WDR36: variants seen among roughly 807,000 people sequenced by gnomAD.
WDR36 encodes WD repeat domain 36.
In WDR36, 63 loss-of-function variants were observed where a neutral mutation model predicts 112.7. The observed-to-expected ratio is 0.56, with a 90% CI of 0.46 to 0.69. The LOEUF (loss-of-function observed/expected upper bound fraction) is 0.69. Ranked by LOEUF, WDR36 falls within the 30% of genes least tolerant of loss-of-function variation. The pLI is 0.00. For synonymous variants in WDR36, 410 were observed against 362.2 expected (o/e 1.13, Z -1.50); for missense variants, 1,226 against 1,070.3 (o/e 1.15, Z -2.03).
In WDR36 at chr5:111,104,228, G is replaced by A; in HGVS notation, c.782G>A (p.Trp261Ter). The A allele has an allele frequency of 6.2e-7, 1 of 1,611,792 alleles. No homozygotes were observed. Among genetic ancestry groups the A allele is most frequent in the Non-Finnish European group, 8.5e-7 (1 of 1,178,478 alleles). The change falls in exon 8 of 23, where the codon TGG becomes TAG. Residue 261 changes from tryptophan to a stop codon, truncating the protein, a stop_gained. Coordinates refer to ENST00000513710, the MANE Select transcript of WDR36 (RefSeq NM_139281.3). LOFTEE classifies it high-confidence loss of function. ...AGSPCGHIGL[W>*]DLEDKKLINQ... ...AGCCCATGTGGCCATATTGGACTCT[G>A]GGATCTAGAAGACAAAAAATTAATC...
At chr5:111,112,860 G>A (rs969293422) in intron 15 of WDR36, among the ~76,000 whole-genome samples, 1 of 150,862 alleles carries the variant, frequency 6.6e-6, no homozygotes, top group Non-Finnish European at 1.5e-5. Context: ...CCAAATCAGT[G>A]GTATTTAGGA....
chr5:111,126,899 TAAAC>T lies in WDR36; in HGVS notation c.*20_*23del. ...TTTGTTGTAAAAATAAATTTGTGAC[TAAAC>T]AAAGACTTTCATATTAAATGGGTTC... On this transcript the variant is annotated 3_prime_UTR_variant, in exon 23 of 23. Transcript: ENST00000513710. The T allele has an allele frequency of 6.3e-7, 1 of 1,578,420 alleles. No individual in the cohort carries two copies. Among genetic ancestry groups the T allele is most frequent in the Non-Finnish European group, 8.6e-7 (1 of 1,159,560 alleles).
At chr5:111,104,494 C>CA (rs1753185216) in intron 8 of WDR36, 142 bp downstream of exon 8, 1 of 1,402,994 alleles carries the variant, frequency 7.1e-7, no homozygotes, top group South Asian at 1.2e-5. Flanking sequence ...AAACAAAAAG[C>CA]ACAGCAGGTG....
intron 16 of WDR36, among the ~76,000 whole-genome samples, chr5:111,114,298 A>T (rs1245646089): frequency 6.6e-6 from 1 of 152,208 alleles, no homozygotes; most frequent in Admixed American, 6.6e-5. Context: ...ATACCATTAG[A>T]GAAAGATAGG....
chr5:111,113,042 A>ATATATT (rs1580399396), intron 15 of WDR36, 32 bp from the exon 16 acceptor site: 2 of 385,808 alleles, frequency 5.2e-6, no homozygotes, highest in East Asian at 1.4e-4. Context: ...AATAATATAT[A>ATATATT]TATATATATA....
chr5:111,099,461 TTG>T (rs1371921636), intron 4 of WDR36, among the ~76,000 whole-genome samples: 1,796 of 69,090 alleles, frequency 0.026, 34 homozygotes, highest in African/African-American at 0.12. Flanking sequence ...GTTTTTTTTT[TTG>T]TTTTTTTTTT....
Position 111,120,992 on chromosome 5 carries a change from T to A in WDR36, c.2003-4T>A. ...TTTTGTTTTACCTGAAAAATTTTTT[T>A]AAGATGTAGAAGTATCAGAAGAAAC... On this transcript the variant is annotated splice_region_variant and splice_polypyrimidine_tract_variant and intron_variant, in intron 18 of 22. Coordinates refer to ENST00000513710, the MANE Select transcript of WDR36 (RefSeq NM_139281.3). 1 of 1,611,556 alleles carries A rather than the reference T, an allele frequency of 6.2e-7. No homozygotes were observed. Among genetic ancestry groups the A allele is most frequent in the Non-Finnish European group, 8.5e-7 (1 of 1,178,630 alleles).
intron 15 of WDR36, 112 bp downstream of exon 15, chr5:111,111,390 C>A (rs1166021280): frequency 3.3e-6 from 3 of 909,750 alleles, no homozygotes; most frequent in East Asian, 2.5e-5. Flanking sequence ...TTTTAATTTG[C>A]AGGCTATTTT....
At chr5:111,096,105 C>T in intron 2 of WDR36, among the ~76,000 whole-genome samples, 2 of 152,086 alleles carry the variant, frequency 1.3e-5, no homozygotes, top group East Asian at 3.9e-4. Flanking sequence ...GAATTTGCAG[C>T]ATGAAAAGTA....
At chr5:111,094,871 A>C in intron 1 of WDR36, 49 bp from the exon 2 acceptor site, 3 of 1,449,658 alleles carry the variant, frequency 2.1e-6, no homozygotes, top group Non-Finnish European at 2.9e-6. Context: ...TTAGGTTATT[A>C]TGATTATGTT....
chr5:111,104,373 A>G, intron 8 of WDR36, 21 bp downstream of exon 8: 1 of 1,611,474 alleles, frequency 6.2e-7, no homozygotes, highest in South Asian at 1.1e-5. Context: ...TATTGTTAAC[A>G]TCTTCCTGGC....
Position 111,127,005 on chromosome 5 carries a change from A to T in WDR36, c.*122A>T. 5 of 908,026 alleles carry T rather than the reference A, an allele frequency of 5.5e-6. No individual in the cohort carries two copies. Among genetic ancestry groups the T allele is most frequent in the Non-Finnish European group, 8.1e-6 (5 of 615,216 alleles). The allele number at this position is 908,026 out of a possible 1,614,324, so 56.2% of individuals were successfully genotyped here. A position where few individuals can be genotyped will look rare whatever the true frequency, so the allele number is the denominator to read the frequency against. ...GCTAGCACTACTGACTAGTCAGTAT[A>T]TCTCCACTTTAAATGCTAAATACTT... On this transcript the variant is annotated 3_prime_UTR_variant, in exon 23 of 23. Coordinates refer to ENST00000513710, the MANE Select transcript of WDR36 (RefSeq NM_139281.3).
At chr5:111,093,675 AT>A (rs1191107624) in intron 1 of WDR36, among the ~76,000 whole-genome samples, 1 of 152,060 alleles carries the variant, frequency 6.6e-6, no homozygotes, top group Non-Finnish European at 1.5e-5. Context: ...TTGAAATGTA[AT>A]TTTTCTGAGT....
chr5:111,098,641 G>A lies in WDR36; in HGVS notation c.292-81G>A, dbSNP rs1263282022. 3.2e-6 allele frequency: 3 copies of A among 938,096 alleles called. No individual in the cohort carries two copies. In the African/African-American group the frequency reaches 4.9e-5, roughly 15 times the overall value. 58.1% of individuals were successfully genotyped at this position (938,096 alleles called of 1,614,324 possible). On this transcript the variant is annotated intron_variant, in intron 3 of 22. Coordinates refer to ENST00000513710, the MANE Select transcript of WDR36 (RefSeq NM_139281.3). ...TCTTAACAGAAGCATCTCAGGATTA[G>A]CATGTTTTTGGGATAATATGAATAA...
chr5:111,111,087 T>C lies in WDR36; in HGVS notation c.1608-83T>C, dbSNP rs1753328252. ...TGGCTTAATTTCCCCCAAAGTGTACTTGATTTAACAAAATTCAAGTGGAGG... is the reference window on the plus strand; with the variant it reads ...TGGCTTAATTTCCCCCAAAGTGTACCTGATTTAACAAAATTCAAGTGGAGG... On this transcript the variant is annotated intron_variant, in intron 14 of 22. Coordinates refer to ENST00000513710, the MANE Select transcript of WDR36 (RefSeq NM_139281.3). The C allele has an allele frequency of 3.8e-6, 6 of 1,560,126 alleles. No homozygotes were observed. In the African/African-American group the frequency reaches 8.1e-5, roughly 21 times the overall value.
chr5:111,121,632 A>G (rs11241096), intron 19 of WDR36, among the ~76,000 whole-genome samples: 4,847 of 152,284 alleles, frequency 0.032, 261 homozygotes, highest in African/African-American at 0.11. Flanking sequence ...ATAAGTTAAC[A>G]TGAGCTAGGT....
rs866883339 is a variant in WDR36, at chr5:111,113,289, A to G, written c.1796+136A>G. 9.1e-6 allele frequency: 4 copies of G among 440,072 alleles called. No homozygotes were observed. In the Middle Eastern group the frequency reaches 1.4e-3, roughly 159 times the overall value. The allele number at this position is 440,072 out of a possible 1,614,324, so 27.3% of individuals were successfully genotyped here. ...ATTTGGAGATTTTTCTGACATGACT[A>G]TATTGTATCCTTGGAGTGTTTTTGA... is the stretch of plus-strand genomic sequence containing the variant. On this transcript the variant is annotated intron_variant, in intron 16 of 22. Transcript: ENST00000513710.
intron 2 of WDR36, 194 bp downstream of exon 2, chr5:111,095,141 T>G: frequency 1.7e-6 from 1 of 578,954 alleles, no homozygotes; most frequent in Non-Finnish European, 3.0e-6. Flanking sequence ...TTTATTTTCT[T>G]TAATCTGGAA....
Position 111,098,801 on chromosome 5 carries a change from C to G in WDR36, c.371C>G (p.Thr124Ser). ...PFGDHIISVD[T>S]DGILIIWHIY... The stretch of plus-strand genomic sequence containing the variant: ...GGAGACCACATTATCTCTGTTGATA[C>G]TGATGGCATTCTTATTATTTGGCAC... Residue 124 changes from threonine (T) to serine (S), a missense_variant, in exon 4 of 23, where the codon ACT (threonine) becomes AGT (serine). Coordinates refer to ENST00000513710, the MANE Select transcript of WDR36 (RefSeq NM_139281.3). 6.2e-7 allele frequency: 1 copy of G among 1,612,054 alleles called. No individual in the cohort carries two copies. The highest frequency in any genetic ancestry group is 8.5e-7 in the Non-Finnish European group (1 of 1,178,386).
Sources: gnomAD v4.1 joint callset for allele counts (sites outside exome capture counted in the v4.1 genomes callset) on GRCh38, gnomAD v4.1.1 for gene constraint, MANE v1.5 for transcripts, NCBI Gene and HGNC (gene_info 2026-07-23, HGNC 2026-07-21) for gene names.